Variants in PPM1F observed in about 807,000 individuals in gnomAD.
PPM1F encodes protein phosphatase 1F.
In PPM1F, 17 loss-of-function variants were observed where a neutral mutation model predicts 35.5. The ratio of observed to expected loss-of-function variants is 0.48; its 90% confidence interval spans 0.33 to 0.72. The LOEUF (loss-of-function observed/expected upper bound fraction) is 0.72. Ranked by LOEUF, PPM1F falls within the 30% of genes least tolerant of loss-of-function variation. The probability of loss-of-function intolerance (pLI) is 0.02; values close to 1 mark genes in which losing one functional copy is unlikely to be tolerated. For synonymous variants in PPM1F, 241 were observed against 255.5 expected (o/e 0.94, Z 0.54); for missense variants, 521 against 613.0 (o/e 0.85, Z 1.59).
rs1021471030 is a variant in PPM1F at position 21,939,911 on chromosome 22, G to A, written c.207-231C>T. ...GGCTAGTTGGGAGGGGGCTGTTGAT[G>A]GGCAAGTAAACTGCCTGACATCCAT... On this transcript the variant is annotated intron_variant, in intron 2 of 7. Transcript: ENST00000263212. The surrounding 1 kb of genome is among the most constrained non-coding windows in gnomAD (Gnocchi z 5.1). Among the ~76,000 whole-genome samples the A allele has an allele frequency of 1.3e-5, 2 of 152,172 alleles. No individual in the cohort carries two copies. The highest frequency in any genetic ancestry group is 6.5e-5 in the Admixed American group (1 of 15,276).
chr22:21,934,368 C>T (rs770512596), intron 3 of PPM1F, 142 bp from the exon 4 acceptor site: 86 of 644,940 alleles, frequency 1.3e-4, no homozygotes, highest in Non-Finnish European at 1.9e-4. Context: ...CTCAATAACG[C>T]GCACATGGCA....
intron 3 of PPM1F, chr22:21,935,093 A>G (rs1343626603): frequency 3.9e-5 from 6 of 152,164 alleles, no homozygotes; most frequent in African/African-American, 1.2e-4. Flanking sequence ...AACAGCCAAA[A>G]TCTGGAGTCA....
chr22:21,925,173 G>GCTTCA, intron 7 of PPM1F: 1 of 311,164 alleles, frequency 3.2e-6, no homozygotes, highest in Non-Finnish European at 5.8e-6. Context: ...GGGATTACAG[G>GCTTCA]CGTGAGCCAC....
At chr22:21,934,453 T>TCTA (rs934407517) in intron 3 of PPM1F, 3 of 541,094 alleles carry the variant, frequency 5.5e-6, no homozygotes, top group Non-Finnish European at 9.8e-6. Flanking sequence ...ATGGAGCAAC[T>TCTA]CTACTCATGG....
intron 2 of PPM1F, chr22:21,940,544 C>T (rs2070714676): frequency 6.6e-6 from 1 of 151,824 alleles, no homozygotes; most frequent in Non-Finnish European, 1.5e-5. Context: ...GCCAGGGGAA[C>T]ATGAGGCAGA....
chr22:21,928,329 T>G (rs2070545438), intron 6 of PPM1F, among the ~76,000 whole-genome samples: 2 of 152,138 alleles, frequency 1.3e-5, no homozygotes, highest in African/African-American at 4.8e-5. Flanking sequence ...GAGCCGGGAC[T>G]CCTATCTCTC....
At chr22:21,930,913 C>T (rs1303112365) in intron 6 of PPM1F, among the ~76,000 whole-genome samples, 1 of 152,236 alleles carries the variant, frequency 6.6e-6, no homozygotes, top group Admixed American at 6.5e-5. Flanking sequence ...CCTGTCAGTG[C>T]AGAGGGCTCT....
At chr22:21,927,770 C>T (rs1234204335) in intron 6 of PPM1F, among the ~76,000 whole-genome samples, 2 of 152,170 alleles carry the variant, frequency 1.3e-5, no homozygotes, top group African/African-American at 2.4e-5. Context: ...GGGCTCGCCC[C>T]TCTAACCCTG....
intron 6 of PPM1F, among the ~76,000 whole-genome samples, chr22:21,930,168 C>A (rs73388126): frequency 6.6e-6 from 1 of 152,226 alleles, no homozygotes; most frequent in South Asian, 2.1e-4. Context: ...TTAACAATTG[C>A]CCCAAGACAG....
At chr22:21,931,387 T>C (rs2145795892) in intron 5 of PPM1F, 96 bp from the exon 6 acceptor site, 1 of 1,229,754 alleles carries the variant, frequency 8.1e-7, no homozygotes, top group South Asian at 1.4e-5. Flanking sequence ...GATGAATACT[T>C]CCGTTACTGT....
rs773278865 is a variant in PPM1F, at chr22:21,933,437, G to C, written c.701C>G (p.Ala234Gly). ...AAACATCTGGTCGGTGCGCCGGAAG[G>C]CTTCTCTGAGGGCTCCCTCAGGGTC... ...PTDPEGALRE[A>G]FRRTDQMFLR... is the part of the protein sequence containing the mutation. Residue 234 changes from alanine (A) to glycine (G), a missense_variant, in exon 5 of 8, where the codon GCC becomes GGC. Ala to Gly is a moderately conservative substitution (Grantham distance 60). This residue lies in a region of PPM1F where 311 missense variants were observed against 351.5 expected (regional missense o/e 0.88). Transcript: ENST00000263212. 8.1e-6 allele frequency: 13 copies of C among 1,612,876 alleles called. No individual in the cohort carries two copies. Among genetic ancestry groups the C allele is most frequent in the Middle Eastern group, 3.3e-4 (2 of 6,084 alleles).
At chr22:21,935,537 A>T (rs1019854430) in intron 3 of PPM1F, 1 of 152,182 alleles carries the variant, frequency 6.6e-6, no homozygotes, top group African/African-American at 2.4e-5. Context: ...TTACAACTGC[A>T]TGTGCAGCTA....
chr22:21,948,311 C>CCCG (rs2070799255), intron 1 of PPM1F: 1 of 111,502 alleles, frequency 9.0e-6, no homozygotes, highest in African/African-American at 3.1e-5. Context: ...ACCCCCCCCC[C>CCCG]ACCCCCCATC....
At chr22:21,934,322 C>A (rs531991825) in intron 3 of PPM1F, 96 bp from the exon 4 acceptor site, 28 of 964,240 alleles carry the variant, frequency 2.9e-5, no homozygotes, top group Non-Finnish European at 4.2e-5. Flanking sequence ...GCCTGCAAAG[C>A]CCCCATCACC....
At chr22:21,923,514 C>G in intron 7 of PPM1F, 43 bp from the exon 8 acceptor site, 1 of 1,549,954 alleles carries the variant, frequency 6.5e-7, no homozygotes, top group Non-Finnish European at 8.7e-7. Flanking sequence ...ACCACGGTGT[C>G]CACAGCTTCC....
chr22:21,924,709 A>C (rs1262086788), intron 7 of PPM1F, among the ~76,000 whole-genome samples: 1 of 147,438 alleles, frequency 6.8e-6, no homozygotes, highest in East Asian at 2.0e-4. Context: ...AACTGAGATT[A>C]CAGGCGCGTG....
intron 3 of PPM1F, chr22:21,938,341 G>A (rs1295564484): frequency 1.7e-6 from 2 of 1,192,886 alleles, no homozygotes; most frequent in African/African-American, 1.6e-5. Flanking sequence ...CTGCTGGCTC[G>A]GCCGAGAACA....
At chr22:21,946,603 G>A (rs1476486746) in intron 1 of PPM1F, 1 of 153,022 alleles carries the variant, frequency 6.5e-6, no homozygotes, top group Non-Finnish European at 1.5e-5. Context: ...GGGCCAAGAT[G>A]CGGGAGGCCG....
intron 1 of PPM1F, 166 bp downstream of exon 1, chr22:21,952,624 TTC>T (rs1432867234): frequency 6.7e-6 from 1 of 149,532 alleles, no homozygotes; most frequent in Admixed American, 6.7e-5. Flanking sequence ...CCCGCACCCT[TTC>T]GGTGCACCCA....
Sources: allele counts gnomAD v4.1 joint callset (sites outside exome capture counted in the v4.1 genomes callset), GRCh38; gene constraint gnomAD v4.1.1; regional missense constraint gnomAD v4.1.1; non-coding constraint Gnocchi (gnomAD v3.1); transcripts MANE v1.5; gene names NCBI Gene and HGNC (gene_info 2026-07-23, HGNC 2026-07-21).